The following PLA2G4E variants were observed in gnomAD, a reference collection of about 807,000 sequenced individuals.
PLA2G4E encodes the protein phospholipase A2 group IVE.
A neutral mutation model predicts 109.1 loss-of-function variants in PLA2G4E; 84 were observed. That is an observed-to-expected ratio of 0.77 (90% CI 0.65 to 0.92). PLA2G4E has a LOEUF of 0.92. PLA2G4E is among the 40% of genes least tolerant of loss of function. The pLI is 0.00. For synonymous variants in PLA2G4E, 469 were observed against 436.1 expected (o/e 1.08, Z -0.94); for missense variants, 1,057 against 1,076.6 (o/e 0.98, Z 0.25).
chr15:42,032,573 G>C (rs555717708), intron 1 of PLA2G4E, among the ~76,000 whole-genome samples: 1 of 152,228 alleles, frequency 6.6e-6, no homozygotes, highest in Non-Finnish European at 1.5e-5. Flanking sequence ...ACAGAACACC[G>C]GGTGGGGAGA....
At chr15:42,022,530 G>A (rs1210950368) in intron 1 of PLA2G4E, among the ~76,000 whole-genome samples, 1 of 151,972 alleles carries the variant, frequency 6.6e-6, no homozygotes, top group African/African-American at 2.4e-5. Flanking sequence ...GGTTCCATCT[G>A]GGGGTTATGG....
At position 42,001,140 on chromosome 15, in the gene PLA2G4E, A is replaced by C. The variant is rs372932906; in HGVS notation, c.673+17T>G. On this transcript the variant is annotated intron_variant, in intron 7 of 19. Transcript: ENST00000399518. ...CCCCCTTGTCCCCCAGTAGGCAGAA[A>C]AGGCAAAACAGCTCACTTTTCTCCC... 1.8e-4 allele frequency: 291 copies of C among 1,608,640 alleles called. No individual in the cohort carries two copies. The African/African-American group carries it at 3.4e-3, about 19-fold the overall frequency.
At chr15:42,021,701 G>A (rs114086296) in intron 1 of PLA2G4E, among the ~76,000 whole-genome samples, 5,098 of 152,234 alleles carry the variant, frequency 0.033, 232 homozygotes, top group African/African-American at 0.1. Context: ...CACCCGCCCC[G>A]CCCAGATGAT....
At chr15:42,013,801 C>T in intron 1 of PLA2G4E, 44 bp from the exon 2 acceptor site, 1 of 1,496,098 alleles carries the variant, frequency 6.7e-7, no homozygotes, top group Non-Finnish European at 9.1e-7. Context: ...AAGCATTACT[C>T]CAAGGCCATT....
intron 1 of PLA2G4E, among the ~76,000 whole-genome samples, chr15:42,042,142 T>C (rs1712432): frequency 0.19 from 29,122 of 152,186 alleles, 2,955 homozygotes; most frequent in South Asian, 0.33. Flanking sequence ...TGATATGATG[T>C]TATGTTATGT....
intron 1 of PLA2G4E, among the ~76,000 whole-genome samples, chr15:42,033,108 T>C (rs570481682): frequency 6.6e-6 from 1 of 152,228 alleles, no homozygotes; most frequent in East Asian, 1.9e-4. Context: ...GTGTGTGTTG[T>C]GTGAGAGTAC....
intron 16 of PLA2G4E, among the ~76,000 whole-genome samples, chr15:41,987,609 G>A (rs1054179969): frequency 1.2e-4 from 18 of 152,264 alleles, no homozygotes; most frequent in African/African-American, 3.6e-4. Context: ...GCTAAGAAGC[G>A]TCCTGGAGAG....
chr15:42,016,213 C>G (rs1048043595), intron 1 of PLA2G4E, among the ~76,000 whole-genome samples: 7 of 151,092 alleles, frequency 4.6e-5, no homozygotes, highest in Non-Finnish European at 7.4e-5. Flanking sequence ...TATAATCCCA[C>G]CACTCAGAGA....
chr15:41,989,342 T>A (rs1020281550), intron 15 of PLA2G4E, 73 bp downstream of exon 15: 10 of 1,584,562 alleles, frequency 6.3e-6, no homozygotes, highest in Non-Finnish European at 8.6e-6. Flanking sequence ...TGTCACATAA[T>A]CAGGGGCCAA....
intron 1 of PLA2G4E, among the ~76,000 whole-genome samples, chr15:42,038,231 C>A (rs1375629205): frequency 6.6e-6 from 1 of 152,144 alleles, no homozygotes; most frequent in Non-Finnish European, 1.5e-5. Context: ...TGGTCCCCAA[C>A]GTTTTGGCAC....
At chr15:41,988,953 A>G (rs1429558358) in intron 15 of PLA2G4E, among the ~76,000 whole-genome samples, 1 of 152,200 alleles carries the variant, frequency 6.6e-6, no homozygotes, top group Admixed American at 6.5e-5. Context: ...TGACGGGCGC[A>G]GCTAAGACTC....
chr15:42,015,848 C>T (rs1186002319), intron 1 of PLA2G4E, among the ~76,000 whole-genome samples: 7 of 152,236 alleles, frequency 4.6e-5, no homozygotes, highest in African/African-American at 1.4e-4. Flanking sequence ...CCGGCACACC[C>T]GGGAAGGGGC....
intron 1 of PLA2G4E, among the ~76,000 whole-genome samples, chr15:42,026,937 C>T (rs944539440): frequency 6.6e-6 from 1 of 151,352 alleles, no homozygotes; most frequent in Non-Finnish European, 1.5e-5. Flanking sequence ...CACACCACTG[C>T]CCTCCAACCT....
chr15:42,010,138 C>CT (rs2068520203), intron 2 of PLA2G4E: 1 of 477,190 alleles, frequency 2.1e-6, no homozygotes, highest in South Asian at 1.8e-5. Flanking sequence ...ACTGGCCCCC[C>CT]CACCCCGGGC....
chr15:42,013,481 A>G (rs551291301), intron 2 of PLA2G4E, among the ~76,000 whole-genome samples: 1 of 152,370 alleles, frequency 6.6e-6, no homozygotes, highest in East Asian at 1.9e-4. Flanking sequence ...GAAGAGTGAC[A>G]GAAACCCCAA....
chr15:41,987,348 G>A, exon 17 of PLA2G4E: 1 of 1,613,882 alleles, frequency 6.2e-7, no homozygotes, highest in African/African-American at 1.3e-5. Context: ...ATCACATTTG[G>A]GGATTTCAGG....
At chr15:42,014,310 C>G (rs2068567743) in intron 1 of PLA2G4E, among the ~76,000 whole-genome samples, 1 of 152,166 alleles carries the variant, frequency 6.6e-6, no homozygotes, top group Non-Finnish European at 1.5e-5. Flanking sequence ...ACCTCCAGTA[C>G]CTATAGCATG....
exon 20 of PLA2G4E, chr15:41,982,256 T>C (rs1453539637): frequency 1.3e-5 from 2 of 152,218 alleles, no homozygotes; most frequent in African/African-American, 4.8e-5. Context: ...GCTTTCACCT[T>C]CTATCAGCCT....
At chr15:42,024,784 G>C (rs947463072) in intron 1 of PLA2G4E, among the ~76,000 whole-genome samples, 1 of 152,160 alleles carries the variant, frequency 6.6e-6, no homozygotes. Context: ...TCCAGTCTTT[G>C]CCAACAAACT....
Sources: allele counts gnomAD v4.1 joint callset (sites outside exome capture counted in the v4.1 genomes callset), GRCh38; gene constraint gnomAD v4.1.1; transcripts MANE v1.5; gene names NCBI Gene and HGNC (gene_info 2026-07-23, HGNC 2026-07-21).